PSMB3: variants seen among roughly 807,000 people sequenced by gnomAD.
The protein encoded by PSMB3 is proteasome subunit beta type-3.
In PSMB3, 5 loss-of-function variants were observed where a neutral mutation model predicts 23.3. That is an observed-to-expected ratio of 0.21 (90% confidence interval 0.11 to 0.45). The LOEUF is 0.45. Among genes scored for constraint, PSMB3 ranks in the 20% least tolerant of loss-of-function variants. The probability of loss-of-function intolerance (pLI) is 0.99; values close to 1 mark genes in which losing one functional copy is unlikely to be tolerated. For missense variants in PSMB3, 192 were observed against 277.9 expected, an observed-to-expected ratio of 0.69 and a Z score of 2.20; for synonymous variants, 85 against 99.8, an observed-to-expected ratio of 0.85 and a Z score of 0.88.
At chr17:38,756,806 T>C (rs960736519) in intron 3 of PSMB3, among the ~76,000 whole-genome samples, 4 of 151,492 alleles carry the variant, frequency 2.6e-5, no homozygotes, top group African/African-American at 7.3e-5. Context: ...TCTCTTTTTT[T>C]TTCTTTTCTT....
chr17:38,762,568 C>T (rs571455544), intron 5 of PSMB3, 63 bp downstream of exon 5: 80 of 1,453,200 alleles, frequency 5.5e-5, no homozygotes, highest in South Asian at 3.1e-4. Flanking sequence ...CCCTTCTCCA[C>T]GAGCATACAC....
chr17:38,753,262 T>A lies in PSMB3; in HGVS notation c.116T>A (p.Phe39Tyr). ...CAGGCCCAGATGGTGACCACGGACTTCCAGAAGATCTTTCCCATGGGTGAC... is the reference window on the plus strand; with the variant it reads ...CAGGCCCAGATGGTGACCACGGACTACCAGAAGATCTTTCCCATGGGTGAC... The part of the protein sequence containing the change: ...GIQAQMVTTD[F>Y]QKIFPMGDRL... Residue 39 changes from phenylalanine to tyrosine, a missense_variant, in exon 2 of 6, where the codon TTC (phenylalanine) becomes TAC (tyrosine). Phe to Tyr is a conservative substitution (Grantham distance 22). Coordinates refer to ENST00000619426, the MANE Select transcript of PSMB3 (RefSeq NM_002795.4). 1 of 1,614,162 alleles carries A rather than the reference T, an allele frequency of 6.2e-7. No individual in the cohort carries two copies. The highest frequency in any genetic ancestry group is 1.1e-5 in the South Asian group (1 of 91,084).
Position 38,764,109 on chromosome 17 carries a change from C to T in PSMB3, c.570-10C>T, listed in dbSNP as rs746017093. On this transcript the variant is annotated splice_polypyrimidine_tract_variant and intron_variant, in intron 5 of 5. Coordinates refer to ENST00000619426, the MANE Select transcript of PSMB3 (RefSeq NM_002795.4). ...TAGAGATGTTTTCTTGTGATTTTCT[C>T]CCTCTGCAGCGAGAAGGACAAAATC... 1.2e-6 allele frequency: 2 copies of T among 1,614,140 alleles called. No individual in the cohort carries two copies. Among genetic ancestry groups the T allele is most frequent in the Admixed American group, 1.7e-5 (1 of 60,012 alleles).
At chr17:38,757,945 C>T (rs554991172) in intron 3 of PSMB3, among the ~76,000 whole-genome samples, 50 of 152,200 alleles carry the variant, frequency 3.3e-4, no homozygotes, top group African/African-American at 1.1e-3. Flanking sequence ...TGAACCACTG[C>T]GCCCAGCCAA....
At position 38,752,801 on chromosome 17, in the gene PSMB3, T is replaced by G. The variant is rs779999849; in HGVS notation, c.-26T>G. On this transcript the variant is annotated 5_prime_UTR_variant, in exon 1 of 6. Coordinates refer to ENST00000619426, the MANE Select transcript of PSMB3 (RefSeq NM_002795.4). The surrounding 1 kb of genome is among the most constrained non-coding windows in gnomAD (Gnocchi z 5.5). ...CGGTTTACTGGAATTGCTCTGGCGA[T>G]CGAGGGATCCTAGTACACCGCAATC... 1 of 1,613,960 alleles carries G rather than the reference T, an allele frequency of 6.2e-7. No homozygotes were observed. The highest frequency in any genetic ancestry group is 1.3e-5 in the African/African-American group (1 of 74,904).
intron 4 of PSMB3, 113 bp from the exon 5 acceptor site, chr17:38,762,298 G>T (rs228280): frequency 0.28 from 234,589 of 836,132 alleles, 36,778 homozygotes; most frequent in African/African-American, 0.49. Context: ...CTTACTTCAG[G>T]CATGTCTTGG....
Position 38,762,234 on chromosome 17 carries a change from G to T in PSMB3, c.475-177G>T, listed in dbSNP as rs549075843. The T allele has an allele frequency of 2.0e-5, 12 of 590,098 alleles. No homozygotes were observed. In the East Asian group the frequency reaches 3.4e-4, roughly 17 times the overall value. 36.6% of individuals were successfully genotyped at this position (590,098 alleles called of 1,614,324 possible). A position where few individuals can be genotyped will look rare whatever the true frequency, so the allele number is the denominator to read the frequency against. On this transcript the variant is annotated intron_variant, in intron 4 of 5. Transcript: ENST00000619426. Reference sequence around the variant, plus strand: ...CTTTCACTTTCCTTTACATAATTCTGCTTCCTTCCAAGGAAGGAGCTGAGA... The same window carrying T: ...CTTTCACTTTCCTTTACATAATTCTTCTTCCTTCCAAGGAAGGAGCTGAGA...
intron 3 of PSMB3, among the ~76,000 whole-genome samples, chr17:38,758,813 G>A (rs1238931706): frequency 3.3e-5 from 5 of 152,184 alleles, no homozygotes; most frequent in Admixed American, 1.3e-4. Flanking sequence ...TTGGGAGGCC[G>A]AGGTGGGTGG....
intron 4 of PSMB3, 128 bp from the exon 5 acceptor site, chr17:38,762,283 C>T: frequency 1.4e-6 from 1 of 740,180 alleles, no homozygotes; most frequent in South Asian, 1.7e-5. Context: ...TCCTGGGAAT[C>T]ATCCCTTACT....
intron 2 of PSMB3, 99 bp from the exon 3 acceptor site, chr17:38,755,784 C>T: frequency 2.0e-6 from 2 of 1,006,048 alleles, no homozygotes; most frequent in East Asian, 2.5e-5. Context: ...TGGGCAGGGA[C>T]TGAGATGAGA....
At chr17:38,755,844 T>G (rs1230122126) in intron 2 of PSMB3, 39 bp from the exon 3 acceptor site, 4 of 1,543,336 alleles carry the variant, frequency 2.6e-6, no homozygotes, top group Non-Finnish European at 3.6e-6. Context: ...TCAGGAATAT[T>G]CAATAATGAC....
chr17:38,758,520 T>C (rs766280410), intron 3 of PSMB3, among the ~76,000 whole-genome samples: 15 of 152,032 alleles, frequency 9.9e-5, no homozygotes, highest in Non-Finnish European at 1.5e-4. Flanking sequence ...TTAAATTTTT[T>C]TGTAGAGACA....
At chr17:38,760,729 G>A in intron 4 of PSMB3, 121 bp downstream of exon 4, 1 of 1,163,490 alleles carries the variant, frequency 8.6e-7, no homozygotes, top group Non-Finnish European at 1.2e-6. Context: ...GAAAGCCACA[G>A]CTGCTGCTCC....
At chr17:38,760,302 A>T in intron 3 of PSMB3, 129 bp from the exon 4 acceptor site, 1 of 949,996 alleles carries the variant, frequency 1.1e-6, no homozygotes, top group Non-Finnish European at 1.6e-6. Context: ...GGGAAAGGTG[A>T]TCTTCCTAAA....
intron 2 of PSMB3, among the ~76,000 whole-genome samples, chr17:38,754,287 T>C (rs946323262): frequency 1.3e-5 from 2 of 152,052 alleles, no homozygotes. Flanking sequence ...CTGGCCAACA[T>C]GGTGAAACGC....
At chr17:38,762,309 G>A in intron 4 of PSMB3, 102 bp from the exon 5 acceptor site, 1 of 971,282 alleles carries the variant, frequency 1.0e-6, no homozygotes, top group South Asian at 1.5e-5. Flanking sequence ...CATGTCTTGG[G>A]GCCAGAGCTG....
At chr17:38,756,971 G>T (rs1598031585) in intron 3 of PSMB3, among the ~76,000 whole-genome samples, 1 of 144,062 alleles carries the variant, frequency 6.9e-6, no homozygotes, top group South Asian at 2.2e-4. Context: ...GGGTCCAAGT[G>T]ATTTTCCTGC....
In PSMB3 at chr17:38,753,323, C is replaced by T; in HGVS notation, c.177C>T (p.Asp59=). The change falls in exon 2 of 6, where the codon GAC becomes GAT. Residue 59 remains aspartate (D), a synonymous_variant. Transcript: ENST00000619426. Reference sequence around the variant, plus strand: ...TCGGTCTGGCCGGGCTCGCCACTGACGTCCAGACAGTGTAAGTTTCAAGGG... The same window carrying T: ...TCGGTCTGGCCGGGCTCGCCACTGATGTCCAGACAGTGTAAGTTTCAAGGG... ...LYIGLAGLAT[D]VQTVAQRLKF... The T allele has an allele frequency of 6.2e-7, 1 of 1,613,756 alleles. No homozygotes were observed. The highest frequency in any genetic ancestry group is 8.5e-7 in the Non-Finnish European group (1 of 1,179,836).
intron 2 of PSMB3, 86 bp downstream of exon 2, chr17:38,753,420 T>C (rs1908025627): frequency 7.4e-7 from 1 of 1,353,746 alleles, no homozygotes; most frequent in Non-Finnish European, 1.0e-6. Flanking sequence ...GTGTCAGTCA[T>C]CTACCACACA....
Sources: gnomAD v4.1 joint callset for allele counts (sites outside exome capture counted in the v4.1 genomes callset) on GRCh38, gnomAD v4.1.1 for gene constraint, Gnocchi (gnomAD v3.1) non-coding constraint, MANE v1.5 for transcripts, NCBI Gene and HGNC (gene_info 2026-07-23, HGNC 2026-07-21) for gene names.